PDCD1LG2: variants seen among roughly 807,000 people sequenced by gnomAD.
PDCD1LG2 encodes the protein programmed cell death 1 ligand 2, also known as B7 dendritic cell molecule.
In PDCD1LG2, 32 loss-of-function variants were observed where a neutral mutation model predicts 28.2. The ratio of observed to expected loss-of-function variants is 1.13; its 90% CI spans 0.86 to 1.52. PDCD1LG2 has a LOEUF of 1.52. PDCD1LG2 is among the 40% of genes most tolerant of loss of function. The pLI, the probability that PDCD1LG2 is intolerant of heterozygous loss-of-function variation, is 0.00. For missense variants in PDCD1LG2, 385 were observed against 323.8 expected, an observed-to-expected ratio of 1.19 and a Z score of -1.45; for synonymous variants, 116 against 120.2, an observed-to-expected ratio of 0.97 and a Z score of 0.23.
intron 3 of PDCD1LG2, among the ~76,000 whole-genome samples, chr9:5,547,709 G>C (rs933560806): frequency 1.3e-5 from 2 of 152,090 alleles, no homozygotes; most frequent in African/African-American, 2.4e-5. Flanking sequence ...GGCCAAGGCA[G>C]GTGGATCACC....
Position 5,534,809 on chromosome 9 carries a change from G to A in PDCD1LG2, c.120G>A (p.Leu40=), listed in dbSNP as rs1446952147. Residue 40 remains leucine, a synonymous_variant, in exon 3 of 7, where the codon CTG becomes CTA. Transcript: ENST00000397747. ...TAGAGCATGGCAGCAATGTGACCCT[G>A]GAATGCAACTTTGACACTGGAAGTC... ...YIIEHGSNVT[L]ECNFDTGSHV... 4 of 1,614,156 alleles carry A rather than the reference G, an allele frequency of 2.5e-6. No homozygotes were observed. In the Admixed American group the frequency reaches 6.7e-5, roughly 27 times the overall value.
intron 6 of PDCD1LG2, among the ~76,000 whole-genome samples, chr9:5,565,250 G>A (rs1411573900): frequency 6.6e-6 from 1 of 151,998 alleles, no homozygotes; most frequent in African/African-American, 2.4e-5. Context: ...TGGTATGACC[G>A]TGGCTCACTG....
intron 3 of PDCD1LG2, among the ~76,000 whole-genome samples, chr9:5,536,308 G>A (rs764032041): frequency 1.3e-5 from 2 of 152,142 alleles, no homozygotes; most frequent in Non-Finnish European, 2.9e-5. Flanking sequence ...ATGGTACCCG[G>A]CATATAATAA....
At position 5,525,696 on chromosome 9, in the gene PDCD1LG2, C is replaced by T. The variant is rs189033288; in HGVS notation, c.55+3095C>T. ...AGAAGATAACACATAGCACAATGTC[C>T]TTTTCATAAATAAATATATTGCTTA... On this transcript the variant is annotated intron_variant, in intron 2 of 6. Coordinates refer to ENST00000397747, the MANE Select transcript of PDCD1LG2 (RefSeq NM_025239.4). Among the ~76,000 whole-genome samples, 61 of 151,998 alleles carry T rather than the reference C, an allele frequency of 4.0e-4. 1 individual carries two copies. Among genetic ancestry groups the T allele is most frequent in the South Asian group, 3.1e-3 (15 of 4,802 alleles).
intron 3 of PDCD1LG2, among the ~76,000 whole-genome samples, chr9:5,543,630 A>T (rs1354455220): frequency 6.6e-6 from 1 of 152,040 alleles, no homozygotes; most frequent in Admixed American, 6.6e-5. Context: ...GCAAGGCAGC[A>T]GTGAAAAGAC....
chr9:5,549,491 T>C lies in PDCD1LG2; in HGVS notation c.518T>C (p.Leu173Pro), dbSNP rs2129876531. Residue 173 changes from leucine (L) to proline (P), a missense_variant, in exon 4 of 7, where the codon CTC becomes CCC. By Grantham distance (98) the Leu-to-Pro change is moderately conservative. Transcript: ENST00000397747. ...AGCCACTCCAGGACCCCTGAAGGCCTCTACCAGGTCACCAGTGTTCTGCGC... is the reference window on the plus strand; with the variant it reads ...AGCCACTCCAGGACCCCTGAAGGCCCCTACCAGGTCACCAGTGTTCTGCGC... ...NTSHSRTPEG[L>P]YQVTSVLRLK... 3 of 1,614,178 alleles carry C rather than the reference T, an allele frequency of 1.9e-6. No homozygotes were observed. The highest frequency in any genetic ancestry group is 2.5e-6 in the Non-Finnish European group (3 of 1,180,010).
chr9:5,566,096 G>C (rs1417715768), intron 6 of PDCD1LG2, among the ~76,000 whole-genome samples: 1 of 148,856 alleles, frequency 6.7e-6, no homozygotes, highest in South Asian at 2.1e-4. Context: ...TATGAGGAGA[G>C]TGTACAGCTC....
At chr9:5,527,198 CT>C (rs1295157804) in intron 2 of PDCD1LG2, among the ~76,000 whole-genome samples, 1 of 152,090 alleles carries the variant, frequency 6.6e-6, no homozygotes, top group African/African-American at 2.4e-5. Flanking sequence ...AACATTTATT[CT>C]TTTTTTAAAA....
chr9:5,548,915 G>A (rs539918380), intron 3 of PDCD1LG2, among the ~76,000 whole-genome samples: 9 of 152,092 alleles, frequency 5.9e-5, no homozygotes, highest in East Asian at 1.9e-4. Context: ...TTATTTTTCC[G>A]TCCTCTTTCT....
At chr9:5,525,355 A>G (rs527840043) in intron 2 of PDCD1LG2, among the ~76,000 whole-genome samples, 2,576 of 151,740 alleles carry the variant, frequency 0.017, 86 homozygotes, top group African/African-American at 0.058. Flanking sequence ...AAAAAAAAAA[A>G]AAAGAAAAAA....
chr9:5,556,321 G>C (rs1182444018), intron 4 of PDCD1LG2, among the ~76,000 whole-genome samples: 2 of 152,208 alleles, frequency 1.3e-5, no homozygotes, highest in African/African-American at 2.4e-5. Flanking sequence ...TAGAAATTAA[G>C]AAGCAGATTA....
chr9:5,540,170 A>G (rs1024468427), intron 3 of PDCD1LG2, among the ~76,000 whole-genome samples: 2 of 152,260 alleles, frequency 1.3e-5, no homozygotes, highest in Non-Finnish European at 2.9e-5. Flanking sequence ...TAGAAATTTA[A>G]AAACTCTTTG....
intron 6 of PDCD1LG2, 73 bp downstream of exon 6, chr9:5,563,284 T>A: frequency 1.6e-6 from 2 of 1,283,728 alleles, no homozygotes; most frequent in Non-Finnish European, 2.2e-6. Context: ...AAGTAACCAC[T>A]GTTCTATTAA....
intron 3 of PDCD1LG2, among the ~76,000 whole-genome samples, chr9:5,540,841 G>A (rs1309160123): frequency 6.6e-6 from 1 of 152,066 alleles, no homozygotes; most frequent in Non-Finnish European, 1.5e-5. Flanking sequence ...GAGAAAGAGG[G>A]AATCCTCCCT....
chr9:5,535,236 G>A (rs561080882), intron 3 of PDCD1LG2, among the ~76,000 whole-genome samples, 186 bp downstream of exon 3: 1 of 152,296 alleles, frequency 6.6e-6, no homozygotes, highest in East Asian at 1.9e-4. Context: ...CAAAGCAGCC[G>A]AAGTACAAGT....
intron 2 of PDCD1LG2, 140 bp from the exon 3 acceptor site, chr9:5,534,605 A>G: frequency 1.4e-6 from 1 of 715,092 alleles, no homozygotes; most frequent in Non-Finnish European, 2.3e-6. Context: ...AAAGGAGAAA[A>G]AGGATTCGCC....
At chr9:5,511,497 C>A (rs1325935179) in intron 1 of PDCD1LG2, among the ~76,000 whole-genome samples, 3 of 152,122 alleles carry the variant, frequency 2.0e-5, no homozygotes, top group African/African-American at 7.2e-5. Flanking sequence ...AGAGGCTAAG[C>A]CTGAGTGAGA....
intron 4 of PDCD1LG2, among the ~76,000 whole-genome samples, chr9:5,552,420 A>T (rs1006530451): frequency 6.6e-6 from 1 of 152,098 alleles, no homozygotes; most frequent in African/African-American, 2.4e-5. Flanking sequence ...GCAGAGCCTA[A>T]ATGTGTGGGG....
chr9:5,525,415 C>T (rs970687214), intron 2 of PDCD1LG2, among the ~76,000 whole-genome samples: 6 of 150,640 alleles, frequency 4.0e-5, no homozygotes, highest in South Asian at 2.1e-4. Flanking sequence ...AAAAACAATC[C>T]ATATGCCCTG....
Sources: allele counts gnomAD v4.1 joint callset (sites outside exome capture counted in the v4.1 genomes callset), GRCh38; gene constraint gnomAD v4.1.1; transcripts MANE v1.5; gene names NCBI Gene and HGNC (gene_info 2026-07-23, HGNC 2026-07-21).